The following ZNF516 variants were observed in gnomAD, a reference collection of about 807,000 sequenced individuals.
ZNF516 encodes the protein zinc finger protein 516.
Under a neutral mutation model 79.7 loss-of-function variants are expected in ZNF516, and 19 were observed. That is an observed-to-expected ratio of 0.24 (90% confidence interval 0.17 to 0.35). The LOEUF (loss-of-function observed/expected upper bound fraction) is 0.35, where lower values mean the gene tolerates loss of function less well. Ranked by LOEUF, ZNF516 falls within the 10% of genes least tolerant of loss-of-function variation. The probability of loss-of-function intolerance (pLI) is 1.00; values close to 1 mark genes in which losing one functional copy is unlikely to be tolerated. For synonymous variants in ZNF516, 877 were observed against 739.5 expected, an observed-to-expected ratio of 1.19 and a Z score of -3.02; for missense variants, 1,678 against 1,679.5, an observed-to-expected ratio of 1.00 and a Z score of 0.02.
chr18:76,361,854 G>A lies in ZNF516; in HGVS notation c.*644C>T, dbSNP rs781136640. The A allele has an allele frequency of 6.6e-6, 1 of 152,204 alleles. No homozygotes were observed. Among genetic ancestry groups the A allele is most frequent in the African/African-American group, 2.4e-5 (1 of 41,428 alleles). 9.4% of individuals were successfully genotyped at this position (152,204 alleles called of 1,614,324 possible). ...GGAACAGGCACACGGCCCCAGGGAG[G>A]AGTGCGATGGAGCCAGTGAACAATG... is the stretch of plus-strand genomic sequence containing the variant. On this transcript the variant is annotated 3_prime_UTR_variant, in exon 7 of 7. Transcript: ENST00000443185.
chr18:76,374,975 A>G (rs2074763840), intron 4 of ZNF516, among the ~76,000 whole-genome samples: 1 of 152,224 alleles, frequency 6.6e-6, no homozygotes, highest in Non-Finnish European at 1.5e-5. Flanking sequence ...CTACAGGTAC[A>G]CCACAAAAAA....
At chr18:76,394,792 GC>G (rs1191944236) in intron 3 of ZNF516, among the ~76,000 whole-genome samples, 1,764 of 61,090 alleles carry the variant, frequency 0.029, 705 homozygotes, top group African/African-American at 0.071. Context: ...TCAGGTGGGG[GC>G]AGGGCGGGTG....
At chr18:76,470,251 T>C (rs1038324991) in intron 1 of ZNF516, among the ~76,000 whole-genome samples, 2 of 152,204 alleles carry the variant, frequency 1.3e-5, no homozygotes, top group Non-Finnish European at 2.9e-5. Flanking sequence ...TTCCCTTTGC[T>C]TGGCGTTTTC....
chr18:76,423,712 C>T (rs1408306008), intron 3 of ZNF516, among the ~76,000 whole-genome samples: 7 of 145,462 alleles, frequency 4.8e-5, no homozygotes, highest in Non-Finnish European at 7.5e-5. Flanking sequence ...CCGAAACACA[C>T]GCAGGTGAAA....
intron 1 of ZNF516, among the ~76,000 whole-genome samples, chr18:76,473,603 C>T (rs984563228): frequency 2.6e-5 from 4 of 151,908 alleles, no homozygotes; most frequent in Admixed American, 2.0e-4. Flanking sequence ...AGATGGAGAC[C>T]ATCCTAGCTA....
intron 2 of ZNF516, among the ~76,000 whole-genome samples, chr18:76,460,849 T>C (rs1455019253): frequency 6.6e-6 from 1 of 152,202 alleles, no homozygotes; most frequent in Admixed American, 6.5e-5. Flanking sequence ...GGGTAATTAC[T>C]TAACCCTTTG....
At chr18:76,374,753 C>CTGCT (rs1426705285) in intron 4 of ZNF516, among the ~76,000 whole-genome samples, 1 of 152,200 alleles carries the variant, frequency 6.6e-6, no homozygotes, top group East Asian at 1.9e-4. Context: ...AATGATGCTA[C>CTGCT]AGCAATAGGG....
At chr18:76,468,052 G>A (rs1014480844) in intron 1 of ZNF516, among the ~76,000 whole-genome samples, 11 of 152,168 alleles carry the variant, frequency 7.2e-5, no homozygotes, top group Non-Finnish European at 1.0e-4. Context: ...CAGCCAGCCC[G>A]TGCCTATTCT....
In ZNF516 at chr18:76,442,986, GC is replaced by G; in HGVS notation, c.68del (p.Gly23AlafsTer55). ...TAGCCTTGTCCCCATCCACCTCGTG[GC>G]CCCGGCCGGCCCTGGTGGGGCTGGG... is the stretch of plus-strand genomic sequence containing the variant. ...RGPSPTRAGRGHEVDGDKATC... is the reference protein window; with the variant it reads ...RGPSPTRAGRXHEVDGDKATC... On this transcript the variant is annotated frameshift_variant, in exon 3 of 7. Coordinates refer to ENST00000443185, the MANE Select transcript of ZNF516 (RefSeq NM_014643.4). LOFTEE classifies it high-confidence loss of function. 1.2e-6 allele frequency: 2 copies of G among 1,603,744 alleles called. No homozygotes were observed.
intron 3 of ZNF516, among the ~76,000 whole-genome samples, chr18:76,390,695 T>C (rs2075058889): frequency 6.6e-6 from 1 of 152,130 alleles, no homozygotes; most frequent in African/African-American, 2.4e-5. Context: ...TCGGTCATTA[T>C]CCTTTGGAGA....
intron 3 of ZNF516, among the ~76,000 whole-genome samples, chr18:76,436,071 G>A (rs1286719416): frequency 6.6e-6 from 1 of 152,248 alleles, no homozygotes; most frequent in East Asian, 1.9e-4. Context: ...TAGATATTAT[G>A]CAAGATGAGC....
At chr18:76,432,023 G>C (rs2075667621) in intron 3 of ZNF516, among the ~76,000 whole-genome samples, 1 of 152,204 alleles carries the variant, frequency 6.6e-6, no homozygotes, top group South Asian at 2.1e-4. Flanking sequence ...CCAATGCCAG[G>C]GCCAATGGCA....
At chr18:76,472,848 T>C (rs745538167) in intron 1 of ZNF516, among the ~76,000 whole-genome samples, 1 of 152,190 alleles carries the variant, frequency 6.6e-6, no homozygotes, top group African/African-American at 2.4e-5. Flanking sequence ...ACACATAAAA[T>C]AAACATGCGA....
chr18:76,391,717 C>A (rs2075076903), intron 3 of ZNF516, among the ~76,000 whole-genome samples: 1 of 152,208 alleles, frequency 6.6e-6, no homozygotes, highest in Non-Finnish European at 1.5e-5. Flanking sequence ...TACTAAAATA[C>A]CAAATTAGAA....
chr18:76,426,519 GACAT>G (rs1458249435), intron 3 of ZNF516, among the ~76,000 whole-genome samples: 11 of 149,948 alleles, frequency 7.3e-5, no homozygotes, highest in East Asian at 3.9e-4. Flanking sequence ...TATTGCATGG[GACAT>G]ACATAAACTT....
intron 2 of ZNF516, among the ~76,000 whole-genome samples, chr18:76,456,281 A>C (rs1177857640): frequency 3.3e-5 from 5 of 152,228 alleles, no homozygotes; most frequent in African/African-American, 4.8e-5. Context: ...CTATTCAGGG[A>C]CCTTGCTGCA....
chr18:76,495,931 G>A, upstream of ZNF516: 1 of 321,094 alleles, frequency 3.1e-6, no homozygotes, highest in Non-Finnish European at 5.5e-6. Flanking sequence ...TTCAAACAGC[G>A]GCTCTGCCAC....
At chr18:76,466,657 C>T (rs1913491285) in intron 1 of ZNF516, among the ~76,000 whole-genome samples, 1 of 152,228 alleles carries the variant, frequency 6.6e-6, no homozygotes, top group Non-Finnish European at 1.5e-5. Flanking sequence ...GCACACAGGA[C>T]GCAGTGGTGC....
chr18:76,377,163 G>C (rs376618751), intron 4 of ZNF516, among the ~76,000 whole-genome samples: 1 of 152,208 alleles, frequency 6.6e-6, no homozygotes, highest in Non-Finnish European at 1.5e-5. Flanking sequence ...TCCCACCCAC[G>C]ACAGCCTCCT....
Sources: gnomAD v4.1 joint callset for allele counts (sites outside exome capture counted in the v4.1 genomes callset) on GRCh38, gnomAD v4.1.1 for gene constraint, MANE v1.5 for transcripts, NCBI Gene and HGNC (gene_info 2026-07-23, HGNC 2026-07-21) for gene names.